Variants in STXBP5L observed in about 807,000 individuals in gnomAD.
STXBP5L encodes the protein syntaxin binding protein 5L, also known as syntaxin-binding protein 5-like.
STXBP5L carries 65 observed loss-of-function variants against 144.5 expected under a neutral mutation model. The observed-to-expected ratio is 0.45, with a 90% CI of 0.37 to 0.55. STXBP5L has a LOEUF of 0.55. Ranked by LOEUF, STXBP5L falls within the 20% of genes least tolerant of loss-of-function variation. The probability of loss-of-function intolerance (pLI) is 0.00; values close to 1 mark genes in which losing one functional copy is unlikely to be tolerated. For synonymous variants in STXBP5L, 505 were observed against 469.6 expected (o/e 1.08, Z -0.97); for missense variants, 1,298 against 1,405.5 (o/e 0.92, Z 1.22).
At chr3:121,009,298 A>G (rs930336048) in intron 3 of STXBP5L, among the ~76,000 whole-genome samples, 1 of 151,964 alleles carries the variant, frequency 6.6e-6, no homozygotes. Flanking sequence ...ATTCATTCAC[A>G]TGCTTCTTCC....
chr3:121,021,974 C>T (rs1349437902), intron 3 of STXBP5L, among the ~76,000 whole-genome samples: 1 of 151,888 alleles, frequency 6.6e-6, no homozygotes, highest in Non-Finnish European at 1.5e-5. Flanking sequence ...ACAAATTAAA[C>T]AAAAACTGGT....
intron 5 of STXBP5L, among the ~76,000 whole-genome samples, chr3:121,094,289 C>T (rs953939050): frequency 4.5e-4 from 68 of 152,106 alleles, no homozygotes; most frequent in Non-Finnish European, 6.2e-4. Context: ...CTATTAGGTC[C>T]GCTTGGTGCA....
At chr3:121,010,919 A>C (rs1944727137) in intron 3 of STXBP5L, among the ~76,000 whole-genome samples, 1 of 151,712 alleles carries the variant, frequency 6.6e-6, no homozygotes, top group Middle Eastern at 3.4e-3. Context: ...GAGGCAAATA[A>C]AAAATTCATG....
intron 5 of STXBP5L, among the ~76,000 whole-genome samples, chr3:121,066,058 T>C (rs1207407236): frequency 6.6e-6 from 1 of 152,170 alleles, no homozygotes; most frequent in African/African-American, 2.4e-5. Flanking sequence ...AACACAGAAG[T>C]GACAGCCCAT....
intron 5 of STXBP5L, among the ~76,000 whole-genome samples, chr3:121,087,203 G>A (rs1467211575): frequency 6.6e-6 from 1 of 151,972 alleles, no homozygotes; most frequent in Non-Finnish European, 1.5e-5. Flanking sequence ...AGATTCTATA[G>A]GGTTATGATT....
rs35062789 is a variant in STXBP5L, at chr3:121,299,975, CAAA to C, written c.2111-18482_2111-18480del. 2.4e-3 allele frequency among the ~76,000 whole-genome samples: 281 copies of C among 115,670 alleles called. 1 individual carries two copies. Among genetic ancestry groups the C allele is most frequent in the Middle Eastern group, 8.8e-3 (2 of 226 alleles). The allele number at this position is 115,670 out of a possible 152,430, so 75.9% of individuals were successfully genotyped here. ...AGCCTGGGCAACAGAGACCTGATCT[CAAA>C]AAAAAAAAAAAAAAAAATACAAAGA... On this transcript the variant is annotated intron_variant, in intron 19 of 26. Coordinates refer to ENST00000471454, the MANE Select transcript of STXBP5L (RefSeq NM_001308330.2).
In STXBP5L at chr3:121,223,004, G is replaced by C. The variant is rs757487745; in HGVS notation, c.958G>C (p.Glu320Gln). The C allele has an allele frequency of 1.1e-5, 18 of 1,597,352 alleles. No homozygotes were observed. The highest frequency in any genetic ancestry group is 1.5e-5 in the Non-Finnish European group (18 of 1,174,636). ...TCATTCATGTTTTTTCCTATGTAGC[G>C]AACCATTCATAATATTCTCTGGTGG... ...KVEYKTCKNS[E>Q]PFIIFSGGLS... The change falls in exon 11 of 27, where the codon GAA (glutamate) becomes CAA (glutamine). Residue 320 changes from glutamate to glutamine, a missense_variant and splice_region_variant. By Grantham distance (29) the Glu-to-Gln change is conservative (BLOSUM62 2). Transcript: ENST00000471454.
At chr3:121,278,867 G>A (rs1166667750) in intron 18 of STXBP5L, among the ~76,000 whole-genome samples, 2 of 151,490 alleles carry the variant, frequency 1.3e-5, no homozygotes, top group African/African-American at 4.8e-5. Flanking sequence ...GGAAGATGTA[G>A]AGCTCTATGT....
rs574038387 is a variant in STXBP5L, at chr3:121,005,758, T to G, written c.288-35942T>G. ...GAGATTCTGGTATGTTGTATCTTTG[T>G]TCTCATTGGTTTCAAAGAACATCTT... is the stretch of plus-strand genomic sequence containing the variant. On this transcript the variant is annotated intron_variant, in intron 3 of 26. Coordinates refer to ENST00000471454, the MANE Select transcript of STXBP5L (RefSeq NM_001308330.2). Among the ~76,000 whole-genome samples, 9 of 152,348 alleles carry G rather than the reference T, an allele frequency of 5.9e-5. No homozygotes were observed. The East Asian group carries it at 1.3e-3, about 23-fold the overall frequency.
At chr3:121,235,027 T>C (rs1458989348) in intron 12 of STXBP5L, among the ~76,000 whole-genome samples, 1 of 151,794 alleles carries the variant, frequency 6.6e-6, no homozygotes, top group Non-Finnish European at 1.5e-5. Flanking sequence ...TTTTGTTTTA[T>C]TGTGATAGAC....
At chr3:120,974,842 C>T (rs1940754009) in intron 3 of STXBP5L, among the ~76,000 whole-genome samples, 2 of 152,118 alleles carry the variant, frequency 1.3e-5, no homozygotes, top group African/African-American at 4.8e-5. Context: ...TGTCAAAGAT[C>T]AGATAGTTGT....
At chr3:121,027,177 G>A (rs1353809805) in intron 3 of STXBP5L, among the ~76,000 whole-genome samples, 2 of 149,556 alleles carry the variant, frequency 1.3e-5, no homozygotes, top group Non-Finnish European at 2.9e-5. Flanking sequence ...AATCCTATAA[G>A]CACATGATCA....
chr3:121,240,332 C>A, intron 13 of STXBP5L, 108 bp from the exon 14 acceptor site: 1 of 994,864 alleles, frequency 1.0e-6, no homozygotes, highest in Non-Finnish European at 1.5e-6. Context: ...TGATTTTACA[C>A]TTATTTTTCT....
At chr3:121,172,235 A>G (rs2046750639) in intron 9 of STXBP5L, among the ~76,000 whole-genome samples, 1 of 152,214 alleles carries the variant, frequency 6.6e-6, no homozygotes, top group East Asian at 1.9e-4. Flanking sequence ...TAAAAACCCT[A>G]GAAGAAAATC....
chr3:121,185,597 C>T (rs915678626), intron 9 of STXBP5L, among the ~76,000 whole-genome samples: 1 of 152,064 alleles, frequency 6.6e-6, no homozygotes, highest in Non-Finnish European at 1.5e-5. Context: ...TGTCAAAGAT[C>T]GGATGGTTGT....
At chr3:121,354,698 G>T (rs1490830744) in intron 20 of STXBP5L, among the ~76,000 whole-genome samples, 1 of 151,846 alleles carries the variant, frequency 6.6e-6, no homozygotes, top group East Asian at 1.9e-4. Context: ...TACATTTAAG[G>T]TTAATATTGT....
At chr3:120,996,124 AT>A (rs2108005581) in intron 3 of STXBP5L, among the ~76,000 whole-genome samples, 1 of 152,146 alleles carries the variant, frequency 6.6e-6, no homozygotes, top group African/African-American at 2.4e-5. Context: ...TATCATTCAA[AT>A]TCATTTTTAT....
chr3:121,389,959 T>C (rs2046534836), intron 22 of STXBP5L, among the ~76,000 whole-genome samples: 1 of 152,236 alleles, frequency 6.6e-6, no homozygotes, highest in Admixed American at 6.5e-5. Context: ...TTCTGTCTCG[T>C]GGATCTGTCT....
chr3:121,079,444 G>A (rs1007625420), intron 5 of STXBP5L, among the ~76,000 whole-genome samples: 73 of 152,326 alleles, frequency 4.8e-4, no homozygotes, highest in African/African-American at 1.6e-3. Flanking sequence ...TGTCCACAGC[G>A]AGAAGACAGG....
Sources: allele counts gnomAD v4.1 joint callset (sites outside exome capture counted in the v4.1 genomes callset), GRCh38; gene constraint gnomAD v4.1.1; transcripts MANE v1.5; gene names NCBI Gene and HGNC (gene_info 2026-07-23, HGNC 2026-07-21).